PARD3B: variants seen among roughly 807,000 people sequenced by gnomAD.
The protein encoded by PARD3B is partitioning defective 3 homolog B.
In PARD3B, 103 loss-of-function variants were observed where a neutral mutation model predicts 130.2. The observed-to-expected ratio is 0.79, with a 90% CI of 0.67 to 0.93. The LOEUF (loss-of-function observed/expected upper bound fraction) is 0.93, where lower values mean the gene tolerates loss of function less well. Among genes scored for constraint, PARD3B ranks in the 40% least tolerant of loss-of-function variants. PARD3B has a pLI of 0.00. For missense variants in PARD3B, 1,609 were observed against 1,499.2 expected (o/e 1.07, Z -1.21); for synonymous variants, 583 against 553.2 (o/e 1.05, Z -0.76).
intron 2 of PARD3B, among the ~76,000 whole-genome samples, chr2:204,756,709 G>A (rs2040689741): frequency 1.3e-5 from 2 of 152,050 alleles, no homozygotes; most frequent in Admixed American, 6.6e-5. Flanking sequence ...GGTAAAGAAG[G>A]GCTTTCTAAT....
At chr2:205,435,365 A>G (rs1328904279) in intron 19 of PARD3B, among the ~76,000 whole-genome samples, 1 of 152,004 alleles carries the variant, frequency 6.6e-6, no homozygotes, top group Non-Finnish European at 1.5e-5. Context: ...ACTGTTTCCC[A>G]TCTTTTACTA....
In PARD3B at chr2:205,121,985, T is replaced by C. The variant is rs1450208151; in HGVS notation, c.1165+36T>C. The C allele has an allele frequency of 1.3e-6, 2 of 1,505,314 alleles. No homozygotes were observed. Among genetic ancestry groups the C allele is most frequent in the Admixed American group, 1.9e-5 (1 of 52,266 alleles). The allele number at this position is 1,505,314 out of a possible 1,614,324, so 93.2% of individuals were successfully genotyped here. ...AATTATGCCTAATAGCATTCTATTA[T>C]TGTAACATGTAAAATTGGTTAAGAG... On this transcript the variant is annotated intron_variant, in intron 8 of 22. Transcript: ENST00000406610. This position sits in a 1 kb window ranked among gnomAD's most constrained non-coding sequence, Gnocchi z 5.0.
chr2:204,945,500 A>C (rs78976080), intron 2 of PARD3B, among the ~76,000 whole-genome samples: 1 of 152,226 alleles, frequency 6.6e-6, no homozygotes, highest in African/African-American at 2.4e-5. Flanking sequence ...AAAGGAACAC[A>C]GTCTTGTGAA....
At chr2:204,697,863 G>A (rs1295278016) in intron 2 of PARD3B, among the ~76,000 whole-genome samples, 1 of 152,046 alleles carries the variant, frequency 6.6e-6, no homozygotes, top group East Asian at 1.9e-4. Flanking sequence ...GATTACTTTG[G>A]GAATGGTCGT....
rs1231033584 is a variant in PARD3B at position 205,015,429 on chromosome 2, A to G, written c.395-32152A>G. ...TCGAACCTGTGTTGTTCAAGGGTCA[A>G]CCATACTGACATGTTTACATGTATT... On this transcript the variant is annotated intron_variant, in intron 3 of 22. Transcript: ENST00000406610. This position sits in a 1 kb window ranked among gnomAD's most constrained non-coding sequence, Gnocchi z 4.5. Among the ~76,000 whole-genome samples the G allele has an allele frequency of 4.6e-5, 7 of 152,342 alleles. No individual in the cohort carries two copies. The highest frequency in any genetic ancestry group is 8.8e-5 in the Non-Finnish European group (6 of 68,038).
chr2:205,139,731 T>TA (rs11383399), intron 10 of PARD3B, among the ~76,000 whole-genome samples: 2,631 of 145,882 alleles, frequency 0.018, 33 homozygotes, highest in African/African-American at 0.035. Context: ...AGTATGATTG[T>TA]AAAAAAAAAA....
At chr2:204,651,549 T>A (rs925319651) in intron 1 of PARD3B, among the ~76,000 whole-genome samples, 6 of 152,236 alleles carry the variant, frequency 3.9e-5, no homozygotes, top group Admixed American at 3.9e-4. Flanking sequence ...TTCATGGGCT[T>A]GTGTTGAGTG....
intron 2 of PARD3B, among the ~76,000 whole-genome samples, chr2:204,924,290 C>T (rs1156568340): frequency 6.6e-6 from 1 of 152,004 alleles, no homozygotes; most frequent in Non-Finnish European, 1.5e-5. Context: ...CTTCTTCATG[C>T]TGTTAGAATG....
chr2:205,203,590 T>C (rs1414721854), intron 15 of PARD3B, among the ~76,000 whole-genome samples: 4 of 152,182 alleles, frequency 2.6e-5, no homozygotes, highest in Non-Finnish European at 5.9e-5. Context: ...CTCCTAAGAC[T>C]ATCCCTCCCC....
intron 1 of PARD3B, among the ~76,000 whole-genome samples, chr2:204,581,750 A>G (rs1183986918): frequency 6.6e-6 from 1 of 152,190 alleles, no homozygotes; most frequent in Non-Finnish European, 1.5e-5. Context: ...AATGTTAGTT[A>G]TCTTGCTCAA....
intron 1 of PARD3B, among the ~76,000 whole-genome samples, chr2:204,636,453 AGTGTGTGTGTGT>A (rs10596741): frequency 2.2e-5 from 3 of 139,396 alleles, no homozygotes; most frequent in East Asian, 4.2e-4. Context: ...AGGTCAGGTG[AGTGTGTGTGTGT>A]GTGTGTGTGT....
chr2:205,142,991 G>A lies in PARD3B; in HGVS notation c.1435-15731G>A, dbSNP rs929244369. Among the ~76,000 whole-genome samples the A allele has an allele frequency of 3.3e-5, 5 of 152,148 alleles. No individual in the cohort carries two copies. The highest frequency in any genetic ancestry group is 2.1e-4 in the South Asian group (1 of 4,834). ...AAAACATAAGTGAAATGGGAGCTGC[G>A]AGAAGGGCATATTGTTCCTGTGCTG... is the stretch of plus-strand genomic sequence containing the variant. On this transcript the variant is annotated intron_variant, in intron 10 of 22. Coordinates refer to ENST00000406610, the MANE Select transcript of PARD3B (RefSeq NM_001302769.2). This position sits in a 1 kb window ranked among gnomAD's most constrained non-coding sequence, Gnocchi z 4.3.
chr2:204,679,230 T>C (rs1190193356), intron 1 of PARD3B, among the ~76,000 whole-genome samples: 1 of 152,194 alleles, frequency 6.6e-6, no homozygotes, highest in Non-Finnish European at 1.5e-5. Flanking sequence ...GATTTTTAGG[T>C]ATTAAAAATA....
intron 3 of PARD3B, among the ~76,000 whole-genome samples, chr2:205,038,574 C>G (rs371031692): frequency 6.6e-6 from 1 of 152,156 alleles, no homozygotes; most frequent in East Asian, 1.9e-4. Flanking sequence ...GGAAGTCATT[C>G]GTCTTCAGAG....
At chr2:205,242,165 CAG>C (rs773347976) in intron 15 of PARD3B, among the ~76,000 whole-genome samples, 36 of 152,122 alleles carry the variant, frequency 2.4e-4, no homozygotes, top group Non-Finnish European at 3.4e-4. Context: ...ACATCTGTGT[CAG>C]TGAATATTTC....
intron 2 of PARD3B, among the ~76,000 whole-genome samples, chr2:204,787,249 C>T (rs755053985): frequency 1.8e-4 from 28 of 152,000 alleles, no homozygotes; most frequent in African/African-American, 2.7e-4. Flanking sequence ...GGCACTCATC[C>T]GTGAAAGTAC....
chr2:205,598,149 G>A (rs558192026), intron 22 of PARD3B, among the ~76,000 whole-genome samples: 26 of 152,186 alleles, frequency 1.7e-4, no homozygotes, highest in African/African-American at 5.1e-4. Flanking sequence ...AAACACTCCC[G>A]TTTAAAAGGC....
At chr2:204,604,850 G>A (rs920478769) in intron 1 of PARD3B, among the ~76,000 whole-genome samples, 2 of 152,090 alleles carry the variant, frequency 1.3e-5, no homozygotes, top group African/African-American at 2.4e-5. Context: ...CAGGAATTTG[G>A]ATGGGGTATT....
chr2:204,965,602 A>C (rs1280395781), intron 3 of PARD3B, among the ~76,000 whole-genome samples: 1 of 152,024 alleles, frequency 6.6e-6, no homozygotes, highest in Admixed American at 6.5e-5. Flanking sequence ...GTATCATATG[A>C]GTATAACTTT....
Sources: allele counts gnomAD v4.1 joint callset (sites outside exome capture counted in the v4.1 genomes callset), GRCh38; gene constraint gnomAD v4.1.1; non-coding constraint Gnocchi (gnomAD v3.1); transcripts MANE v1.5; gene names NCBI Gene and HGNC (gene_info 2026-07-23, HGNC 2026-07-21).